The following UBE2R2 variants were observed in gnomAD, a reference collection of about 807,000 sequenced individuals.
UBE2R2 encodes ubiquitin conjugating enzyme E2 R2.
Under a neutral mutation model 27.8 loss-of-function variants are expected in UBE2R2, and 1 was observed. The ratio of observed to expected loss-of-function variants is 0.04; its 90% CI spans 0.01 to 0.17. The LOEUF is 0.17. Ranked by LOEUF, UBE2R2 falls within the 10% of genes least tolerant of loss-of-function variation. UBE2R2 has a pLI of 1.00. For missense variants in UBE2R2, 100 were observed against 291.0 expected (o/e 0.34, Z 4.78); for synonymous variants, 106 against 113.3 (o/e 0.94, Z 0.41).
At chr9:33,835,138 AGT>A (rs1236566626) in intron 1 of UBE2R2, among the ~76,000 whole-genome samples, 3 of 141,076 alleles carry the variant, frequency 2.1e-5, no homozygotes, top group Non-Finnish European at 4.5e-5. Flanking sequence ...TGCATGTCTA[AGT>A]GTAGGTTTTT....
rs1021999172 is a variant in UBE2R2 at position 33,917,812 on chromosome 9, C to T, written c.*575C>T. 6.5e-6 allele frequency: 1 copy of T among 154,700 alleles called. No homozygotes were observed. The highest frequency in any genetic ancestry group is 2.4e-5 in the African/African-American group (1 of 41,378). The allele number at this position is 154,700 out of a possible 1,614,324, so 9.6% of individuals were successfully genotyped here. Reference sequence around the variant, plus strand: ...ATTCTGTTTCTTTCCTTTCCTAAGGCTGGGACATGGTGGGCATCAGGGACT... The same window carrying T: ...ATTCTGTTTCTTTCCTTTCCTAAGGTTGGGACATGGTGGGCATCAGGGACT... On this transcript the variant is annotated 3_prime_UTR_variant, in exon 5 of 5. Coordinates refer to ENST00000263228, the MANE Select transcript of UBE2R2 (RefSeq NM_017811.4).
chr9:33,853,617 T>G (rs1487654722), intron 1 of UBE2R2, among the ~76,000 whole-genome samples: 3 of 152,022 alleles, frequency 2.0e-5, no homozygotes, highest in Non-Finnish European at 4.4e-5. Flanking sequence ...TTACATATTC[T>G]TACCATTTTC....
intron 1 of UBE2R2, among the ~76,000 whole-genome samples, chr9:33,876,848 G>A (rs552035295): frequency 7.2e-4 from 109 of 152,152 alleles, no homozygotes; most frequent in Non-Finnish European, 1.1e-3. Flanking sequence ...CTCGGGAGGC[G>A]GAGCTTGCAG....
intron 3 of UBE2R2, among the ~76,000 whole-genome samples, chr9:33,911,299 T>C (rs1181752592): frequency 6.9e-6 from 1 of 144,290 alleles, no homozygotes; most frequent in Non-Finnish European, 1.5e-5. Context: ...TCCCAGCTAC[T>C]CGGGAGGCTG....
At chr9:33,911,670 C>CT (rs1413247813) in intron 3 of UBE2R2, among the ~76,000 whole-genome samples, 1 of 152,074 alleles carries the variant, frequency 6.6e-6, no homozygotes, top group African/African-American at 2.4e-5. Flanking sequence ...ACTAGAATCA[C>CT]TTGTGCATTA....
chr9:33,864,404 A>G (rs1821314346), intron 1 of UBE2R2, among the ~76,000 whole-genome samples: 3 of 152,184 alleles, frequency 2.0e-5, no homozygotes, highest in Non-Finnish European at 4.4e-5. Context: ...CATGGTAATA[A>G]TAATAGAAAC....
At chr9:33,875,717 TAAGGTC>T (rs1200155804) in intron 1 of UBE2R2, among the ~76,000 whole-genome samples, 1 of 152,204 alleles carries the variant, frequency 6.6e-6, no homozygotes, top group Non-Finnish European at 1.5e-5. Flanking sequence ...TGAGTTGACC[TAAGGTC>T]AGAGGCCTAG....
At chr9:33,849,390 A>T (rs980832007) in intron 1 of UBE2R2, among the ~76,000 whole-genome samples, 12 of 152,158 alleles carry the variant, frequency 7.9e-5, no homozygotes. Flanking sequence ...TGTATACCGA[A>T]TATTTAAAGA....
chr9:33,817,743 G>A lies in UBE2R2; in HGVS notation c.-15G>A, dbSNP rs1825838538. On this transcript the variant is annotated 5_prime_UTR_variant, in exon 1 of 5. Transcript: ENST00000263228. ...GGGGCCCGGGCCCGGCGCCGCCGCC[G>A]CCGCCGCCGCCGCGATGGCCCAGCA... is the stretch of plus-strand genomic sequence containing the variant. 2.7e-6 allele frequency: 4 copies of A among 1,491,966 alleles called. No homozygotes were observed. Among genetic ancestry groups the A allele is most frequent in the Middle Eastern group, 2.2e-4 (1 of 4,538 alleles). 92.4% of individuals were successfully genotyped at this position (1,491,966 alleles called of 1,614,324 possible).
intron 1 of UBE2R2, among the ~76,000 whole-genome samples, chr9:33,865,564 A>G (rs1190408235): frequency 1.3e-5 from 2 of 152,154 alleles, no homozygotes; most frequent in Non-Finnish European, 2.9e-5. Flanking sequence ...TCATACTTCT[A>G]CTGTGGAAGA....
chr9:33,859,225 T>C (rs1477779058), intron 1 of UBE2R2, among the ~76,000 whole-genome samples: 1 of 152,214 alleles, frequency 6.6e-6, no homozygotes, highest in African/African-American at 2.4e-5. Flanking sequence ...AAAATTTTTG[T>C]TTTCAAAATG....
chr9:33,872,701 G>A (rs1202779603), intron 1 of UBE2R2, among the ~76,000 whole-genome samples: 1 of 151,482 alleles, frequency 6.6e-6, no homozygotes, highest in African/African-American at 2.4e-5. Context: ...CAGGAGAATC[G>A]CTTGAACCTG....
At chr9:33,897,272 G>T (rs1171998993) in intron 2 of UBE2R2, among the ~76,000 whole-genome samples, 1 of 148,542 alleles carries the variant, frequency 6.7e-6, no homozygotes, top group African/African-American at 2.5e-5. Context: ...TCCTGACCTC[G>T]TGATCCGCTG....
chr9:33,859,157 C>G (rs1262150959), intron 1 of UBE2R2, among the ~76,000 whole-genome samples: 1 of 152,050 alleles, frequency 6.6e-6, no homozygotes, highest in African/African-American at 2.4e-5. Flanking sequence ...AAAATATATG[C>G]TATGAATTGT....
intron 3 of UBE2R2, among the ~76,000 whole-genome samples, chr9:33,906,892 A>G (rs1442957124): frequency 1.3e-5 from 2 of 152,128 alleles, no homozygotes; most frequent in African/African-American, 2.4e-5. Context: ...TTAGCCAGGC[A>G]TGGTAGTGTG....
upstream of UBE2R2, among the ~76,000 whole-genome samples, chr9:33,815,923 A>C (rs1177574052): frequency 6.6e-6 from 1 of 152,176 alleles, no homozygotes; most frequent in East Asian, 1.9e-4. Flanking sequence ...GAAGCTGATT[A>C]AACAGCCGGG....
At chr9:33,852,227 C>T (rs1820983133) in intron 1 of UBE2R2, among the ~76,000 whole-genome samples, 2 of 152,186 alleles carry the variant, frequency 1.3e-5, no homozygotes, top group South Asian at 4.1e-4. Flanking sequence ...AGGAGGATCG[C>T]TTGAGTCCGC....
intron 2 of UBE2R2, among the ~76,000 whole-genome samples, chr9:33,888,146 C>G (rs1479258130): frequency 6.6e-6 from 1 of 152,094 alleles, no homozygotes; most frequent in Non-Finnish European, 1.5e-5. Context: ...TGTGGTATAT[C>G]TTCATGAAAG....
At chr9:33,891,047 GT>G (rs1554676109) in intron 2 of UBE2R2, among the ~76,000 whole-genome samples, 1 of 126,374 alleles carries the variant, frequency 7.9e-6, no homozygotes, top group African/African-American at 2.9e-5. Flanking sequence ...TTGTTGTTGT[GT>G]TTTTTTGTTT....
Sources: allele counts gnomAD v4.1 joint callset (sites outside exome capture counted in the v4.1 genomes callset), GRCh38; gene constraint gnomAD v4.1.1; transcripts MANE v1.5; gene names NCBI Gene and HGNC (gene_info 2026-07-23, HGNC 2026-07-21).